The following SLC22A23 variants were observed in gnomAD, a reference collection of about 807,000 sequenced individuals.
SLC22A23 encodes solute carrier family 22 member 23.
SLC22A23 carries 26 observed loss-of-function variants against 61.0 expected under a neutral mutation model. That is an observed-to-expected ratio of 0.43 (90% CI 0.31 to 0.59). SLC22A23 has a LOEUF of 0.59. SLC22A23 is among the 20% of genes least tolerant of loss of function. The pLI, the probability that SLC22A23 is intolerant of heterozygous loss-of-function variation, is 0.11. For missense variants in SLC22A23, 796 were observed against 934.7 expected, an observed-to-expected ratio of 0.85 and a Z score of 1.94; for synonymous variants, 430 against 413.9, an observed-to-expected ratio of 1.04 and a Z score of -0.47.
intron 1 of SLC22A23, among the ~76,000 whole-genome samples, chr6:3,438,986 C>A (rs1233906436): frequency 6.6e-6 from 1 of 152,212 alleles, no homozygotes; most frequent in Non-Finnish European, 1.5e-5. Flanking sequence ...ACAGGCTTGG[C>A]CATCTGTTGG....
Position 3,346,677 on chromosome 6 carries a change from C to T in SLC22A23, c.914-22675G>A, listed in dbSNP as rs538918448. Among the ~76,000 whole-genome samples the T allele has an allele frequency of 6.6e-5, 10 of 152,262 alleles. No homozygotes were observed. In the South Asian group the frequency reaches 2.1e-3, roughly 32 times the overall value. On this transcript the variant is annotated intron_variant, in intron 3 of 9. Coordinates refer to ENST00000406686, the MANE Select transcript of SLC22A23 (RefSeq NM_015482.2). ...TCCAGCTACTCCCAGCTGCACCATC[C>T]CACAGCCTCTTGGGAGTCCATGGGA...
At chr6:3,409,394 C>T (rs1769053446) in intron 3 of SLC22A23, among the ~76,000 whole-genome samples, 1 of 152,174 alleles carries the variant, frequency 6.6e-6, no homozygotes, top group Admixed American at 6.5e-5. Context: ...TAGAACTATT[C>T]TTATGTTGTC....
intron 1 of SLC22A23, among the ~76,000 whole-genome samples, chr6:3,435,289 C>T (rs1174907400): frequency 6.6e-6 from 1 of 151,938 alleles, no homozygotes; most frequent in Non-Finnish European, 1.5e-5. Context: ...CCTCCCCTCC[C>T]TTCCCTCTCC....
intron 3 of SLC22A23, among the ~76,000 whole-genome samples, chr6:3,373,919 G>A (rs983140828): frequency 2.0e-5 from 3 of 152,214 alleles, no homozygotes; most frequent in African/African-American, 4.8e-5. Context: ...GCACTTTGAC[G>A]TTAACTCCAG....
At chr6:3,357,818 T>C (rs986996658) in intron 3 of SLC22A23, among the ~76,000 whole-genome samples, 3 of 152,232 alleles carry the variant, frequency 2.0e-5, no homozygotes, top group African/African-American at 7.2e-5. Context: ...CACAGTCTGA[T>C]GAAGAGACAC....
rs999209825 is a variant in SLC22A23, at chr6:3,414,665, T to A, written c.758+1087A>T. Among the ~76,000 whole-genome samples, 1 of 150,834 alleles carries A rather than the reference T, an allele frequency of 6.6e-6. No individual in the cohort carries two copies. Among genetic ancestry groups the A allele is most frequent in the East Asian group, 1.9e-4 (1 of 5,154 alleles). On this transcript the variant is annotated intron_variant, in intron 2 of 9. Coordinates refer to ENST00000406686, the MANE Select transcript of SLC22A23 (RefSeq NM_015482.2). This position sits in a 1 kb window ranked among gnomAD's most constrained non-coding sequence, Gnocchi z 5.1. ...GCAGAGGTCACAGAACCTATAGAAT[T>A]TGTTCCATATCACTCTGGGCCCTTA...
chr6:3,378,657 CTTTTTTTTTT>C (rs574704294), intron 3 of SLC22A23, among the ~76,000 whole-genome samples: 3 of 119,058 alleles, frequency 2.5e-5, no homozygotes, highest in Non-Finnish European at 1.7e-5. Flanking sequence ...TTTCTTTTTT[CTTTTTTTTTT>C]TTTTTTTGAG....
chr6:3,316,004 G>C (rs537806970), intron 4 of SLC22A23, among the ~76,000 whole-genome samples: 1 of 152,242 alleles, frequency 6.6e-6, no homozygotes, highest in East Asian at 1.9e-4. Flanking sequence ...AGGGCTCAGC[G>C]GCGTCTCAGG....
At chr6:3,280,935 C>CGTCAG (rs1268692973) in intron 9 of SLC22A23, among the ~76,000 whole-genome samples, 1 of 152,118 alleles carries the variant, frequency 6.6e-6, no homozygotes, top group Non-Finnish European at 1.5e-5. Flanking sequence ...CAGGGAGTGT[C>CGTCAG]TCAGGGAGGC....
At chr6:3,331,755 C>G (rs1234939055) in intron 3 of SLC22A23, among the ~76,000 whole-genome samples, 4 of 152,192 alleles carry the variant, frequency 2.6e-5, no homozygotes, top group Non-Finnish European at 4.4e-5. Flanking sequence ...ATTAATGACA[C>G]TTTCAGTCTC....
Position 3,297,962 on chromosome 6 carries a change from C to T in SLC22A23, c.1210+129G>A, listed in dbSNP as rs1211495307. On this transcript the variant is annotated intron_variant, in intron 5 of 9. Transcript: ENST00000406686. The surrounding 1 kb of genome is among the most constrained non-coding windows in gnomAD (Gnocchi z 4.3). ...TCAAGGTTGCCACATTGCCCTTGTG[C>T]AGGCCAAAAGGTCACAGGAGAATTG... The T allele has an allele frequency of 2.6e-6, 3 of 1,146,712 alleles. No homozygotes were observed. Among genetic ancestry groups the T allele is most frequent in the Non-Finnish European group, 2.3e-6 (2 of 854,132 alleles). The allele number at this position is 1,146,712 out of a possible 1,614,324, so 71.0% of individuals were successfully genotyped here. A position where few individuals can be genotyped will look rare whatever the true frequency, so the allele number is the denominator to read the frequency against.
chr6:3,306,619 C>T (rs771284059), intron 4 of SLC22A23, among the ~76,000 whole-genome samples: 18 of 152,132 alleles, frequency 1.2e-4, no homozygotes, highest in Non-Finnish European at 1.6e-4. Context: ...CCTAAAGGAG[C>T]CCAGCCTTCA....
intron 1 of SLC22A23, among the ~76,000 whole-genome samples, chr6:3,450,137 G>C (rs1247124418): frequency 1.3e-5 from 2 of 152,144 alleles, no homozygotes; most frequent in East Asian, 3.8e-4. Flanking sequence ...GGGAAACTGG[G>C]GGCAGAGACA....
chr6:3,378,235 C>T (rs1231961714), intron 3 of SLC22A23, among the ~76,000 whole-genome samples: 1 of 152,094 alleles, frequency 6.6e-6, no homozygotes, highest in Non-Finnish European at 1.5e-5. Context: ...TAGCTGGGCC[C>T]ATGTTTGTCA....
At chr6:3,402,793 G>T (rs963866066) in intron 3 of SLC22A23, among the ~76,000 whole-genome samples, 1 of 152,226 alleles carries the variant, frequency 6.6e-6, no homozygotes, top group South Asian at 2.1e-4. Flanking sequence ...GCAGGAGCAC[G>T]TACTTGCCTC....
chr6:3,431,463 A>T (rs1561977709), intron 1 of SLC22A23, among the ~76,000 whole-genome samples: 1 of 152,148 alleles, frequency 6.6e-6, no homozygotes, highest in Admixed American at 6.5e-5. Flanking sequence ...AAAACCATCT[A>T]TGGGTGGGCA....
In SLC22A23 at chr6:3,410,325, A is replaced by G. The variant is rs751543414; in HGVS notation, c.776T>C (p.Val259Ala). The G allele has an allele frequency of 1.9e-6, 3 of 1,611,010 alleles. No individual in the cohort carries two copies. Among genetic ancestry groups the G allele is most frequent in the Admixed American group, 1.7e-5 (1 of 59,342 alleles). ...CIADWVGRRP[V>A]LLFSIIFILI... ...AATGAAGATGATGGAAAACAGCAGC[A>G]CAGGCCGCCGGCCGACCCTGCATAT... The change falls in exon 3 of 10, where the codon GTG becomes GCG. Residue 259 changes from valine (V) to alanine (A), a missense_variant. Val to Ala is a moderately conservative substitution (Grantham distance 64). Coordinates refer to ENST00000406686, the MANE Select transcript of SLC22A23 (RefSeq NM_015482.2). The surrounding 1 kb of genome is among the most constrained non-coding windows in gnomAD (Gnocchi z 5.0).
rs976633977 is a variant in SLC22A23, at chr6:3,427,862, G to A, written c.655-12007C>T. 2.2e-4 allele frequency among the ~76,000 whole-genome samples: 33 copies of A among 152,206 alleles called. No individual in the cohort carries two copies. The highest frequency in any genetic ancestry group is 1.1e-3 in the Admixed American group (17 of 15,284). ...GTGCCAAACTGGCAGCATGACAGCAGAGTGTGACTGTGCAGGCTGGCTCCC... is the reference window on the plus strand; with the variant it reads ...GTGCCAAACTGGCAGCATGACAGCAAAGTGTGACTGTGCAGGCTGGCTCCC... On this transcript the variant is annotated intron_variant, in intron 1 of 9. Transcript: ENST00000406686. This position sits in a 1 kb window ranked among gnomAD's most constrained non-coding sequence, Gnocchi z 4.3.
rs201050270 is a variant in SLC22A23, at chr6:3,323,907, C to T, written c.1009G>A (p.Ala337Thr). The change falls in exon 4 of 10, where the codon GCC (alanine) becomes ACC (threonine). Residue 337 changes from alanine (A) to threonine (T), a missense_variant. Physicochemically the swap from Ala to Thr is moderately conservative, Grantham distance 58 (BLOSUM62 0). Transcript: ENST00000406686. ...AGQFLMPGLA[A>T]LCRDWQVLQA... The stretch of plus-strand genomic sequence containing the variant: ...AGCACCTGCCAATCCCGGCACAGGG[C>T]GGCTAGCCCAGGCATGAGGAACTGG... The T allele has an allele frequency of 4.3e-5, 70 of 1,614,180 alleles. No individual in the cohort carries two copies. In the East Asian group the frequency reaches 7.1e-4, roughly 16 times the overall value.
Sources: gnomAD v4.1 joint callset for allele counts (sites outside exome capture counted in the v4.1 genomes callset) on GRCh38, gnomAD v4.1.1 for gene constraint, Gnocchi (gnomAD v3.1) non-coding constraint, MANE v1.5 for transcripts, NCBI Gene and HGNC (gene_info 2026-07-23, HGNC 2026-07-21) for gene names.